Variants in SNX29 observed in about 807,000 individuals in gnomAD.
The protein encoded by SNX29 is sorting nexin-29.
Under a neutral mutation model 102.1 loss-of-function variants are expected in SNX29, and 78 were observed. The observed-to-expected ratio is 0.76, with a 90% CI of 0.64 to 0.92. The LOEUF (loss-of-function observed/expected upper bound fraction) is 0.92. SNX29 is among the 40% of genes least tolerant of loss of function. The pLI is 0.00. For synonymous variants in SNX29, 580 were observed against 414.5 expected (o/e 1.40, Z -4.85); for missense variants, 1,280 against 1,061.7 (o/e 1.21, Z -2.86).
intron 18 of SNX29, among the ~76,000 whole-genome samples, chr16:12,427,889 C>G (rs937263208): frequency 6.6e-6 from 1 of 152,226 alleles, no homozygotes; most frequent in East Asian, 1.9e-4. Flanking sequence ...AGAGCAGTTG[C>G]TAAATAAGAT....
chr16:12,561,373 G>A lies in SNX29; in HGVS notation c.2319-7133G>A, dbSNP rs150350979. 3.6e-3 allele frequency among the ~76,000 whole-genome samples: 541 copies of A among 152,216 alleles called. 2 individuals are homozygous for A. Among genetic ancestry groups the A allele is most frequent in the African/African-American group, 0.012 (510 of 41,548 alleles). ...CAGACTTATGAGGGAGCTAGGTCGT[G>A]GAAGATGCTGGCCACATCCCCGCCA... On this transcript the variant is annotated intron_variant, in intron 20 of 20. Coordinates refer to ENST00000566228, the MANE Select transcript of SNX29 (RefSeq NM_032167.5).
At chr16:12,506,294 C>T (rs572415352) in intron 19 of SNX29, among the ~76,000 whole-genome samples, 2 of 152,220 alleles carry the variant, frequency 1.3e-5, no homozygotes, top group African/African-American at 4.8e-5. Context: ...TCACTGTATC[C>T]AGGGGGACAA....
intron 15 of SNX29, among the ~76,000 whole-genome samples, chr16:12,286,344 A>ATTT (rs569920963): frequency 1.6e-4 from 21 of 128,942 alleles, no homozygotes; most frequent in African/African-American, 4.3e-4. Context: ...ACCTCCAAGG[A>ATTT]TTTTTTTTTT....
intron 17 of SNX29, among the ~76,000 whole-genome samples, 193 bp from the exon 18 acceptor site, chr16:12,403,255 T>TGTGTGTGTGTGG (rs200446987): frequency 1.4e-4 from 14 of 101,028 alleles, no homozygotes; most frequent in African/African-American, 2.9e-4. Flanking sequence ...TGTGTGTGTG[T>TGTGTGTGTGTGG]AGAGAGAGAC....
At chr16:12,276,752 A>G (rs991448537) in intron 14 of SNX29, among the ~76,000 whole-genome samples, 2 of 152,072 alleles carry the variant, frequency 1.3e-5, no homozygotes, top group East Asian at 1.9e-4. Context: ...TCTTGGAACT[A>G]TCTGGTTCAT....
intron 17 of SNX29, 135 bp downstream of exon 17, chr16:12,398,636 G>C: frequency 1.0e-6 from 1 of 972,388 alleles, no homozygotes; most frequent in South Asian, 1.4e-5. Flanking sequence ...TTCTTGTAGA[G>C]CTGGTAGGAG....
chr16:12,064,832 G>T (rs1387213489), intron 9 of SNX29, among the ~76,000 whole-genome samples: 2 of 152,214 alleles, frequency 1.3e-5, no homozygotes, highest in African/African-American at 4.8e-5. Flanking sequence ...TCTGCCTTTT[G>T]TCCCTTCTGA....
At chr16:12,260,289 T>C (rs545023321) in intron 14 of SNX29, among the ~76,000 whole-genome samples, 4 of 152,234 alleles carry the variant, frequency 2.6e-5, no homozygotes, top group Non-Finnish European at 1.5e-5. Flanking sequence ...CCTTGTAGGT[T>C]CCTGGAGCAG....
At chr16:12,094,886 C>T (rs1319498614) in intron 11 of SNX29, among the ~76,000 whole-genome samples, 3 of 152,042 alleles carry the variant, frequency 2.0e-5, no homozygotes, top group Non-Finnish European at 4.4e-5. Flanking sequence ...CTCTCGCCTC[C>T]TGCATAGGTC....
chr16:12,461,975 AAAAATATATATATATATATATATATAT>A lies in SNX29; in HGVS notation c.2038-15742_2038-15716del, dbSNP rs1405671189. Among the ~76,000 whole-genome samples the A allele has an allele frequency of 1.4e-4, 9 of 63,386 alleles. No individual in the cohort carries two copies. In the South Asian group the frequency reaches 5.3e-3, roughly 37 times the overall value. 41.6% of individuals were successfully genotyped at this position (63,386 alleles called of 152,430 possible). A position where few individuals can be genotyped will look rare whatever the true frequency, so the allele number is the denominator to read the frequency against. On this transcript the variant is annotated intron_variant, in intron 18 of 20. Coordinates refer to ENST00000566228, the MANE Select transcript of SNX29 (RefSeq NM_032167.5). The stretch of plus-strand genomic sequence containing the variant: ...TGTCTCAAAAAAAAAAAAAAAAAAA[AAAAATATATATATATATATATATATAT>A]ATATATATATGTATACACACACACA...
chr16:12,037,239 G>A (rs1000073407), intron 4 of SNX29, among the ~76,000 whole-genome samples: 26 of 152,124 alleles, frequency 1.7e-4, no homozygotes, highest in African/African-American at 5.8e-4. Flanking sequence ...GGAGCAAATG[G>A]GTGTGGCTGC....
chr16:12,137,786 A>T (rs2054715956), intron 13 of SNX29, among the ~76,000 whole-genome samples: 1 of 152,230 alleles, frequency 6.6e-6, no homozygotes, highest in Non-Finnish European at 1.5e-5. Context: ...GGGAATTGAG[A>T]AGGTCAGGCA....
chr16:12,481,494 A>G (rs1048614722), intron 19 of SNX29, among the ~76,000 whole-genome samples: 2 of 146,478 alleles, frequency 1.4e-5, no homozygotes, highest in Non-Finnish European at 3.0e-5. Flanking sequence ...ATATATACAC[A>G]TATGTACATA....
chr16:12,356,093 C>T, intron 15 of SNX29, 70 bp from the exon 16 acceptor site: 2 of 1,437,194 alleles, frequency 1.4e-6, no homozygotes, highest in South Asian at 1.2e-5. Context: ...AAGGAGAGTC[C>T]AGAGAAGGCG....
chr16:12,104,923 G>C (rs1487454983), intron 11 of SNX29, among the ~76,000 whole-genome samples: 1 of 152,240 alleles, frequency 6.6e-6, no homozygotes, highest in Non-Finnish European at 1.5e-5. Flanking sequence ...TGCCTTCTAG[G>C]GCTGGGTCTG....
chr16:12,337,464 C>A (rs2081485664), intron 15 of SNX29, among the ~76,000 whole-genome samples: 2 of 151,978 alleles, frequency 1.3e-5, no homozygotes, highest in African/African-American at 4.8e-5. Context: ...ACCTCAGCTT[C>A]CCCAGTAGCT....
At chr16:12,269,220 C>G (rs113656833) in intron 14 of SNX29, among the ~76,000 whole-genome samples, 2,399 of 152,274 alleles carry the variant, frequency 0.016, 63 homozygotes, top group African/African-American at 0.055. Flanking sequence ...AAGTTGCTGA[C>G]TATTCAGAGT....
chr16:12,457,796 A>G (rs1371107813), intron 18 of SNX29, among the ~76,000 whole-genome samples: 1 of 152,222 alleles, frequency 6.6e-6, no homozygotes, highest in Non-Finnish European at 1.5e-5. Context: ...TCTTACGGGC[A>G]TTGTTATGAG....
At chr16:12,552,562 C>A (rs76455034) in intron 20 of SNX29, among the ~76,000 whole-genome samples, 2,556 of 152,246 alleles carry the variant, frequency 0.017, 58 homozygotes, top group South Asian at 0.11. Flanking sequence ...GCACACAGGC[C>A]AGCCAAGTTG....
Sources: gnomAD v4.1 joint callset for allele counts (sites outside exome capture counted in the v4.1 genomes callset) on GRCh38, gnomAD v4.1.1 for gene constraint, MANE v1.5 for transcripts, NCBI Gene and HGNC (gene_info 2026-07-23, HGNC 2026-07-21) for gene names.